The following FAM120A variants were observed in gnomAD, a reference collection of about 807,000 sequenced individuals.
FAM120A encodes the protein constitutive coactivator of PPAR-gamma-like protein 1.
A neutral mutation model predicts 109.7 loss-of-function variants in FAM120A; 15 were observed. The ratio of observed to expected loss-of-function variants is 0.14; its 90% confidence interval spans 0.09 to 0.21. The LOEUF (loss-of-function observed/expected upper bound fraction) is 0.21, where lower values mean the gene tolerates loss of function less well. Among genes scored for constraint, FAM120A ranks in the 10% least tolerant of loss-of-function variants. FAM120A has a pLI of 1.00. For missense variants in FAM120A, 899 were observed against 1,439.3 expected, an observed-to-expected ratio of 0.62 and a Z score of 6.07; for synonymous variants, 493 against 572.8, an observed-to-expected ratio of 0.86 and a Z score of 1.99.
In FAM120A at chr9:93,529,394, C is replaced by T. The variant is rs10992775; in HGVS notation, c.1548C>T (p.Ala516=). Residue 516 remains alanine (A), a synonymous_variant, in exon 9 of 18, where the codon GCC becomes GCT. Coordinates refer to ENST00000277165, the MANE Select transcript of FAM120A (RefSeq NM_014612.5). The part of the protein sequence containing the change: ...SSTASSGSQL[A]EGKGSQMGTV... Reference sequence around the variant, plus strand: ...CTGCCTCTTCAGGAAGCCAACTAGCCGAAGGCAAGGGAAGCCAGATGGGCA... The same window carrying T: ...CTGCCTCTTCAGGAAGCCAACTAGCTGAAGGCAAGGGAAGCCAGATGGGCA... 3.1e-6 allele frequency: 5 copies of T among 1,612,616 alleles called. No homozygotes were observed. The South Asian group carries it at 3.3e-5, about 11-fold the overall frequency.
chr9:93,479,450 C>G lies in FAM120A; in HGVS notation c.804+3112C>G, dbSNP rs7859645. Among the ~76,000 whole-genome samples, 1,384 of 152,206 alleles carry G rather than the reference C, an allele frequency of 9.1e-3. 22 individuals carry two copies. Among genetic ancestry groups the G allele is most frequent in the African/African-American group, 0.032 (1,315 of 41,514 alleles). On this transcript the variant is annotated intron_variant, in intron 3 of 17. Transcript: ENST00000277165. ...CCTCTGTGAACAATAATAAATTTGGCTTTGGCAAAATAGTACAAATATAAT... is the reference window on the plus strand; with the variant it reads ...CCTCTGTGAACAATAATAAATTTGGGTTTGGCAAAATAGTACAAATATAAT...
In FAM120A at chr9:93,564,297, G is replaced by A. The variant is rs200025338; in HGVS notation, c.3114G>A (p.Ser1038=). 5 of 1,614,120 alleles carry A rather than the reference G, an allele frequency of 3.1e-6. No homozygotes were observed. The highest frequency in any genetic ancestry group is 4.2e-6 in the Non-Finnish European group (5 of 1,179,996). The part of the protein sequence containing the change: ...AKELKSKSGE[S]KSSAMSSDGS... ...AACTTAAGTCAAAATCTGGGGAATC[G>A]AAGTCCTCTGCTATGTCTTCAGACG... The change falls in exon 18 of 18, where the codon TCG becomes TCA. Residue 1038 remains serine, a synonymous_variant. Transcript: ENST00000277165.
In FAM120A at chr9:93,542,785, G is replaced by C. The variant is rs540062207; in HGVS notation, c.1910-437G>C. Reference sequence around the variant, plus strand: ...ATTATTTCTCAAATCTAATTTATGAGGGTATTTATCCATGTAGAAAGGGAT... The same window carrying C: ...ATTATTTCTCAAATCTAATTTATGACGGTATTTATCCATGTAGAAAGGGAT... On this transcript the variant is annotated intron_variant, in intron 10 of 17. Transcript: ENST00000277165. Among the ~76,000 whole-genome samples, 5 of 152,288 alleles carry C rather than the reference G, an allele frequency of 3.3e-5. No individual in the cohort carries two copies. The East Asian group carries it at 9.6e-4, about 29-fold the overall frequency.
chr9:93,499,934 C>T (rs924296832), intron 5 of FAM120A, among the ~76,000 whole-genome samples: 3 of 152,218 alleles, frequency 2.0e-5, no homozygotes, highest in Non-Finnish European at 2.9e-5. Flanking sequence ...CATTGGAGAT[C>T]AGAGGCATGG....
intron 10 of FAM120A, among the ~76,000 whole-genome samples, chr9:93,541,736 G>T (rs528122548): frequency 6.6e-6 from 1 of 152,112 alleles, no homozygotes; most frequent in African/African-American, 2.4e-5. Flanking sequence ...AGCTCTGCCC[G>T]GCAGGCTTCA....
intron 3 of FAM120A, among the ~76,000 whole-genome samples, chr9:93,481,047 C>G (rs1858779681): frequency 6.6e-6 from 1 of 152,234 alleles, no homozygotes; most frequent in African/African-American, 2.4e-5. Flanking sequence ...CCCATGCCTG[C>G]CTCCTCCTGT....
chr9:93,564,452 C>T lies in FAM120A; in HGVS notation c.3269C>T (p.Thr1090Ile). The part of the protein sequence containing the change: ...ALNNDSKTCN[T>I]NPHLNALSTD... ...AATAATGACTCTAAAACGTGCAATA[C>T]AAATCCTCATTTAAATGCACTAAGT... The change falls in exon 18 of 18, where the codon ACA (threonine) becomes ATA (isoleucine). Residue 1090 changes from threonine to isoleucine, a missense_variant. Thr to Ile is a moderately conservative substitution (Grantham distance 89, BLOSUM62 -1). Coordinates refer to ENST00000277165, the MANE Select transcript of FAM120A (RefSeq NM_014612.5). The T allele has an allele frequency of 1.9e-6, 3 of 1,614,200 alleles. No individual in the cohort carries two copies. The highest frequency in any genetic ancestry group is 2.5e-6 in the Non-Finnish European group (3 of 1,180,026).
intron 1 of FAM120A, among the ~76,000 whole-genome samples, chr9:93,454,819 G>A (rs1227411087): frequency 1.3e-5 from 2 of 152,148 alleles, no homozygotes; most frequent in East Asian, 3.8e-4. Flanking sequence ...CCCATAAAGT[G>A]GTTAAAACGT....
chr9:93,548,640 C>T (rs1003846225), intron 11 of FAM120A, among the ~76,000 whole-genome samples: 1 of 152,154 alleles, frequency 6.6e-6, no homozygotes, highest in African/African-American at 2.4e-5. Flanking sequence ...GAATATAAAA[C>T]ATAGATACTT....
chr9:93,467,395 G>T (rs1173536307), intron 1 of FAM120A, among the ~76,000 whole-genome samples: 1 of 152,116 alleles, frequency 6.6e-6, no homozygotes, highest in Non-Finnish European at 1.5e-5. Context: ...TTTAACGAGA[G>T]GGAAGAGTTC....
At chr9:93,478,279 G>T (rs57114803) in intron 3 of FAM120A, among the ~76,000 whole-genome samples, 6,454 of 142,146 alleles carry the variant, frequency 0.045, 471 homozygotes, top group African/African-American at 0.16. Flanking sequence ...TCATTTATAG[G>T]TTTTTTTTTT....
At chr9:93,460,368 G>A (rs1378708018) in intron 1 of FAM120A, among the ~76,000 whole-genome samples, 1 of 151,884 alleles carries the variant, frequency 6.6e-6, no homozygotes, top group Non-Finnish European at 1.5e-5. Flanking sequence ...TTGAGATGAA[G>A]TCTCACTCTG....
intron 9 of FAM120A, chr9:93,529,802 C>T: frequency 1.6e-6 from 1 of 607,460 alleles, no homozygotes. Flanking sequence ...TTTCCTTCAA[C>T]TTAGTATAGA....
chr9:93,565,442 A>G lies in FAM120A; in HGVS notation c.*902A>G, dbSNP rs751519141. 2.6e-5 allele frequency: 4 copies of G among 152,636 alleles called. No homozygotes were observed. The highest frequency in any genetic ancestry group is 1.9e-4 in the East Asian group (1 of 5,206). The allele number at this position is 152,636 out of a possible 1,614,324, so 9.5% of individuals were successfully genotyped here. Reference sequence around the variant, plus strand: ...TGCCCATTTGCAAAACAAAAATGCTAATAATCAGTAATAGTCCTATAAAAG... The same window carrying G: ...TGCCCATTTGCAAAACAAAAATGCTGATAATCAGTAATAGTCCTATAAAAG... On this transcript the variant is annotated 3_prime_UTR_variant, in exon 18 of 18. Transcript: ENST00000277165.
intron 11 of FAM120A, among the ~76,000 whole-genome samples, chr9:93,545,912 A>T (rs1270365376): frequency 6.7e-6 from 1 of 149,082 alleles, no homozygotes; most frequent in African/African-American, 2.5e-5. Context: ...CAGCCTCCCA[A>T]GTAGCTGGAT....
At chr9:93,529,627 G>A (rs765112547) in intron 9 of FAM120A, 47 bp downstream of exon 9, 1 of 1,541,238 alleles carries the variant, frequency 6.5e-7, no homozygotes, top group Non-Finnish European at 9.0e-7. Flanking sequence ...TTGATGAGTG[G>A]CCATTCCTAT....
At chr9:93,541,331 G>T (rs183384538) in intron 10 of FAM120A, among the ~76,000 whole-genome samples, 1 of 152,200 alleles carries the variant, frequency 6.6e-6, no homozygotes, top group African/African-American at 2.4e-5. Context: ...GAAGGCCTGT[G>T]CATGGTAGTG....
At chr9:93,525,872 G>A (rs1371629669) in intron 7 of FAM120A, among the ~76,000 whole-genome samples, 1 of 152,240 alleles carries the variant, frequency 6.6e-6, no homozygotes, top group Admixed American at 6.5e-5. Context: ...CCTGAACAGG[G>A]TGGGTGAACT....
At chr9:93,505,797 G>A (rs1412046891) in intron 5 of FAM120A, among the ~76,000 whole-genome samples, 2 of 152,204 alleles carry the variant, frequency 1.3e-5, no homozygotes, top group African/African-American at 4.8e-5. Flanking sequence ...CATAAAGGAA[G>A]AATTCCTCCC....
Sources: allele counts gnomAD v4.1 joint callset (sites outside exome capture counted in the v4.1 genomes callset), GRCh38; gene constraint gnomAD v4.1.1; transcripts MANE v1.5; gene names NCBI Gene and HGNC (gene_info 2026-07-23, HGNC 2026-07-21).